MICU3: variants seen among roughly 807,000 people sequenced by gnomAD.
MICU3 encodes the protein calcium uptake protein 3, mitochondrial.
In MICU3, 62 loss-of-function variants were observed where a neutral mutation model predicts 66.5. That is an observed-to-expected ratio of 0.93 (90% confidence interval 0.76 to 1.15). MICU3 has a LOEUF of 1.15. Among genes scored for constraint, MICU3 ranks in the 50% most tolerant of loss-of-function variants. The pLI, the probability that MICU3 is intolerant of heterozygous loss-of-function variation, is 0.00. For missense variants in MICU3, 779 were observed against 664.4 expected (o/e 1.17, Z -1.90); for synonymous variants, 308 against 240.7 (o/e 1.28, Z -2.59).
intron 11 of MICU3, among the ~76,000 whole-genome samples, chr8:17,107,492 T>C (rs1801836534): frequency 6.6e-6 from 1 of 152,108 alleles, no homozygotes; most frequent in South Asian, 2.1e-4. Flanking sequence ...CTCTGTAGGC[T>C]AAGGTAAGAA....
At chr8:17,051,396 C>T (rs1018184585) in intron 1 of MICU3, among the ~76,000 whole-genome samples, 1 of 152,098 alleles carries the variant, frequency 6.6e-6, no homozygotes, top group African/African-American at 2.4e-5. Context: ...ACAATTCCTG[C>T]GTTCATGGAA....
chr8:17,111,165 C>T (rs1056357058), intron 11 of MICU3, among the ~76,000 whole-genome samples: 1 of 152,026 alleles, frequency 6.6e-6, no homozygotes, highest in East Asian at 1.9e-4. Flanking sequence ...TTTTCAAGTC[C>T]TTTGCCCATT....
intron 1 of MICU3, among the ~76,000 whole-genome samples, chr8:17,043,679 G>A (rs1179305357): frequency 6.6e-6 from 1 of 152,140 alleles, no homozygotes; most frequent in Non-Finnish European, 1.5e-5. Flanking sequence ...AATACACTTA[G>A]TAACCTTTTG....
At chr8:17,090,659 A>G (rs546181427) in intron 8 of MICU3, 75 bp downstream of exon 8, 3 of 1,164,562 alleles carry the variant, frequency 2.6e-6, no homozygotes, top group African/African-American at 3.1e-5. Context: ...ATTTCTTTAT[A>G]TAAAGCTATA....
At chr8:17,063,901 G>A (rs551992830) in intron 1 of MICU3, among the ~76,000 whole-genome samples, 183 bp from the exon 2 acceptor site, 2 of 152,054 alleles carry the variant, frequency 1.3e-5, no homozygotes, top group South Asian at 2.1e-4. Flanking sequence ...AGAATCTTTC[G>A]AATATTAATT....
chr8:17,054,612 C>T (rs1434016466), intron 1 of MICU3, among the ~76,000 whole-genome samples: 2 of 152,228 alleles, frequency 1.3e-5, no homozygotes, highest in Middle Eastern at 6.8e-3. Context: ...ACTGTTCAGT[C>T]TCCCTTAGGT....
intron 14 of MICU3, among the ~76,000 whole-genome samples, chr8:17,119,031 G>T (rs1802964554): frequency 6.6e-6 from 1 of 152,092 alleles, no homozygotes; most frequent in Non-Finnish European, 1.5e-5. Flanking sequence ...ATTTGTTACT[G>T]TTTTTTAGGA....
intron 1 of MICU3, among the ~76,000 whole-genome samples, chr8:17,058,803 C>G (rs749179452): frequency 6.6e-6 from 1 of 152,152 alleles, no homozygotes; most frequent in African/African-American, 2.4e-5. Flanking sequence ...TAGTAACAAA[C>G]GACAAATTAT....
the MICU3 span, among the ~76,000 whole-genome samples, chr8:17,136,117 T>G: frequency 6.6e-6 from 1 of 152,016 alleles, no homozygotes; most frequent in Admixed American, 6.6e-5. Context: ...ACTCCTAGGG[T>G]ATGTTCAGCT....
At chr8:17,112,335 A>C (rs1397554105) in intron 11 of MICU3, among the ~76,000 whole-genome samples, 1 of 152,068 alleles carries the variant, frequency 6.6e-6, no homozygotes, top group East Asian at 1.9e-4. Context: ...TTTTCACCTT[A>C]TTTCTAACAG....
intron 1 of MICU3, among the ~76,000 whole-genome samples, chr8:17,036,359 G>A (rs1020011113): frequency 6.6e-6 from 1 of 152,146 alleles, no homozygotes; most frequent in Non-Finnish European, 1.5e-5. Flanking sequence ...ATTGCAAAGA[G>A]CGAAAGAACA....
chr8:17,126,818 G>C (rs2150853813), downstream of MICU3, among the ~76,000 whole-genome samples: 1 of 152,288 alleles, frequency 6.6e-6, no homozygotes, highest in African/African-American at 2.4e-5. Flanking sequence ...CACAGTTTAG[G>C]TTTGGATGGT....
At chr8:17,130,054 T>C in the MICU3 span, among the ~76,000 whole-genome samples, 1 of 152,138 alleles carries the variant, frequency 6.6e-6, no homozygotes, top group African/African-American at 2.4e-5. Context: ...CACCTTCCGA[T>C]AAATACTGTC....
rs988378971 is a variant in MICU3 at position 17,122,245 on chromosome 8, G to A, written c.*1958G>A. ...ATGTTCTGATAAAATAGAAAAGAAA[G>A]TAAATTACAGTGATTTCCATCATAT... is the stretch of plus-strand genomic sequence containing the variant. On this transcript the variant is annotated 3_prime_UTR_variant, in exon 15 of 15. Transcript: ENST00000318063. 6.6e-6 allele frequency: 1 copy of A among 151,754 alleles called. No homozygotes were observed. The highest frequency in any genetic ancestry group is 6.6e-5 in the Admixed American group (1 of 15,220). 9.4% of individuals were successfully genotyped at this position (151,754 alleles called of 1,614,324 possible).
chr8:17,098,793 A>G (rs937293649), intron 9 of MICU3, among the ~76,000 whole-genome samples: 2 of 151,750 alleles, frequency 1.3e-5, no homozygotes, highest in Admixed American at 6.6e-5. Context: ...AAATTAGAAT[A>G]TATATATTTT....
At chr8:17,039,522 A>G (rs1488798055) in intron 1 of MICU3, among the ~76,000 whole-genome samples, 5 of 152,194 alleles carry the variant, frequency 3.3e-5, no homozygotes, top group African/African-American at 1.2e-4. Flanking sequence ...AGTCACATAC[A>G]ATGATTTGAG....
At chr8:17,104,199 T>C (rs17124098) in intron 9 of MICU3, among the ~76,000 whole-genome samples, 192 bp from the exon 10 acceptor site, 22,480 of 151,818 alleles carry the variant, frequency 0.15, 1,764 homozygotes, top group South Asian at 0.27. Flanking sequence ...TTCAAAGTTC[T>C]ATTTTTAAAA....
chr8:17,080,712 C>T (rs1027295252), intron 4 of MICU3, among the ~76,000 whole-genome samples: 1 of 152,124 alleles, frequency 6.6e-6, no homozygotes, highest in Non-Finnish European at 1.5e-5. Flanking sequence ...GGAATGAATG[C>T]TTTCAGGGCC....
At chr8:17,136,415 C>T in the MICU3 span, among the ~76,000 whole-genome samples, 1 of 152,060 alleles carries the variant, frequency 6.6e-6, no homozygotes, top group African/African-American at 2.4e-5. Flanking sequence ...GGCCTTGTGA[C>T]CACCGCAGTT....
Sources: allele counts gnomAD v4.1 joint callset (sites outside exome capture counted in the v4.1 genomes callset), GRCh38; gene constraint gnomAD v4.1.1; transcripts MANE v1.5; gene names NCBI Gene and HGNC (gene_info 2026-07-23, HGNC 2026-07-21).